Variants in TUSC3 observed in about 807,000 individuals in gnomAD.
The protein encoded by TUSC3 is dolichyl-diphosphooligosaccharide--protein glycosyltransferase subunit TUSC3.
A neutral mutation model predicts 44.8 loss-of-function variants in TUSC3; 45 were observed. That is an observed-to-expected ratio of 1.00 (90% confidence interval 0.79 to 1.29). The LOEUF is 1.29. Among genes scored for constraint, TUSC3 ranks in the 50% most tolerant of loss-of-function variants. TUSC3 has a pLI of 0.00. For synonymous variants in TUSC3, 212 were observed against 152.9 expected, an observed-to-expected ratio of 1.39 and a Z score of -2.85; for missense variants, 519 against 437.9, an observed-to-expected ratio of 1.19 and a Z score of -1.65.
chr8:15,622,997 T>TAAAAC (rs1305413397), intron 1 of TUSC3, 83 bp from the exon 2 acceptor site: 3 of 1,386,786 alleles, frequency 2.2e-6, no homozygotes, highest in Non-Finnish European at 3.0e-6. Context: ...AAAAAGAAAA[T>TAAAAC]AAAACATTTT....
intron 1 of TUSC3, among the ~76,000 whole-genome samples, chr8:15,459,854 GTA>G (rs1190840854): frequency 0.013 from 1,786 of 140,446 alleles, 30 homozygotes; most frequent in African/African-American, 0.047. Context: ...GTGTGTGTGT[GTA>G]TGTGTGTGTG....
intron 1 of TUSC3, among the ~76,000 whole-genome samples, chr8:15,576,304 T>TTTTATTTA (rs1484945933): frequency 3.4e-5 from 5 of 146,094 alleles, no homozygotes; most frequent in African/African-American, 1.0e-4. Context: ...TTTTTTATTT[T>TTTTATTTA]TTTATTTATT....
intron 7 of TUSC3, among the ~76,000 whole-genome samples, chr8:15,737,484 CAGT>C (rs1253498274): frequency 6.6e-6 from 1 of 151,988 alleles, no homozygotes; most frequent in Non-Finnish European, 1.5e-5. Context: ...TTTGACTAAG[CAGT>C]AGGAAAATGA....
chr8:15,662,586 C>T (rs1198591759), intron 5 of TUSC3, among the ~76,000 whole-genome samples: 1 of 151,920 alleles, frequency 6.6e-6, no homozygotes, highest in South Asian at 2.1e-4. Context: ...GAATTAATAG[C>T]TCAGAATAAT....
At chr8:15,807,461 T>C in the TUSC3 span, among the ~76,000 whole-genome samples, 3 of 152,152 alleles carry the variant, frequency 2.0e-5, no homozygotes, top group East Asian at 5.8e-4. Context: ...ATTAAAGCTT[T>C]TAATGTCTCA....
At chr8:15,771,174 A>G (rs1278895852), downstream of TUSC3, among the ~76,000 whole-genome samples, 1 of 152,196 alleles carries the variant, frequency 6.6e-6, no homozygotes, top group African/African-American at 2.4e-5. Context: ...AATGAAGGAT[A>G]AAGTAGTACC....
At chr8:15,694,622 T>C (rs566834366) in intron 6 of TUSC3, among the ~76,000 whole-genome samples, 26 of 152,160 alleles carry the variant, frequency 1.7e-4, no homozygotes, top group Admixed American at 1.6e-3. Context: ...TTTTATCCGC[T>C]TTGATATCCT....
intron 6 of TUSC3, among the ~76,000 whole-genome samples, chr8:15,729,107 T>C (rs902729192): frequency 2.0e-5 from 3 of 152,216 alleles, no homozygotes; most frequent in Admixed American, 1.3e-4. Context: ...TCTGAAGTTA[T>C]TCTCTAAATT....
chr8:15,701,264 C>G (rs1054674061), intron 6 of TUSC3, among the ~76,000 whole-genome samples: 1 of 152,074 alleles, frequency 6.6e-6, no homozygotes, highest in Non-Finnish European at 1.5e-5. Flanking sequence ...TGTATATCTG[C>G]CATTCCTCAT....
chr8:15,823,368 C>T, the TUSC3 span, among the ~76,000 whole-genome samples: 7 of 152,138 alleles, frequency 4.6e-5, no homozygotes, highest in African/African-American at 1.7e-4. Context: ...TGGACTGCCT[C>T]ATTTCAAAAC....
intron 2 of TUSC3, among the ~76,000 whole-genome samples, chr8:15,518,600 CT>C (rs1801253374): frequency 6.6e-6 from 1 of 151,954 alleles, no homozygotes; most frequent in African/African-American, 2.4e-5. Flanking sequence ...ATATCCTTTC[CT>C]TTTTTTCCAT....
chr8:15,714,114 T>G (rs2129201018), intron 6 of TUSC3, among the ~76,000 whole-genome samples: 1 of 152,254 alleles, frequency 6.6e-6, no homozygotes. Context: ...CAGCATGAGA[T>G]GTGTTATTGG....
At chr8:15,543,904 A>G (rs1801775010) in intron 1 of TUSC3, among the ~76,000 whole-genome samples, 1 of 122,956 alleles carries the variant, frequency 8.1e-6, no homozygotes, top group Non-Finnish European at 1.7e-5. Flanking sequence ...GTGATATCCC[A>G]TGGATTTGTG....
chr8:15,717,980 G>T (rs1056215299), intron 6 of TUSC3, among the ~76,000 whole-genome samples: 5 of 152,008 alleles, frequency 3.3e-5, no homozygotes, highest in African/African-American at 1.2e-4. Flanking sequence ...TTTGAGCCAA[G>T]ACACTATGTT....
chr8:15,588,246 A>T (rs1437128712), intron 1 of TUSC3, among the ~76,000 whole-genome samples: 1 of 151,998 alleles, frequency 6.6e-6, no homozygotes, highest in Admixed American at 6.6e-5. Context: ...GTCATTTGAT[A>T]CTTGTCATTC....
the TUSC3 span, among the ~76,000 whole-genome samples, chr8:15,812,965 G>A: frequency 0.028 from 4,326 of 152,102 alleles, 195 homozygotes; most frequent in African/African-American, 0.098. Flanking sequence ...GTGGTGGCAT[G>A]TGACTGTAGT....
chr8:15,631,182 C>T (rs1447794498), intron 2 of TUSC3, among the ~76,000 whole-genome samples: 1 of 152,088 alleles, frequency 6.6e-6, no homozygotes, highest in African/African-American at 2.4e-5. Flanking sequence ...GAATCCATGA[C>T]CAGTTTGGTA....
intron 2 of TUSC3, among the ~76,000 whole-genome samples, chr8:15,646,917 TTTTG>T (rs1385253644): frequency 1.3e-5 from 2 of 152,188 alleles, no homozygotes; most frequent in African/African-American, 2.4e-5. Flanking sequence ...TTGTTTATTC[TTTTG>T]TTTATCACTG....
chr8:15,537,993 G>A (rs1284883376), upstream of TUSC3, among the ~76,000 whole-genome samples: 2 of 152,194 alleles, frequency 1.3e-5, no homozygotes, highest in African/African-American at 2.4e-5. Context: ...AGCCTGGGGT[G>A]GTTGTGTAAG....
Sources: gnomAD v4.1 joint callset for allele counts (sites outside exome capture counted in the v4.1 genomes callset) on GRCh38, gnomAD v4.1.1 for gene constraint, MANE v1.5 for transcripts, NCBI Gene and HGNC (gene_info 2026-07-23, HGNC 2026-07-21) for gene names.